The following CCDC198 variants were observed in gnomAD, a reference collection of about 807,000 sequenced individuals.
CCDC198 encodes the protein factor associated with metabolism and energy.
A neutral mutation model predicts 35.6 loss-of-function variants in CCDC198; 18 were observed. That is an observed-to-expected ratio of 0.51 (90% CI 0.35 to 0.75). The LOEUF is 0.75. Among genes scored for constraint, CCDC198 ranks in the 30% least tolerant of loss-of-function variants. The pLI, the probability that CCDC198 is intolerant of heterozygous loss-of-function variation, is 0.01. For synonymous variants in CCDC198, 119 were observed against 113.4 expected, an observed-to-expected ratio of 1.05 and a Z score of -0.31; for missense variants, 365 against 343.7, an observed-to-expected ratio of 1.06 and a Z score of -0.49.
rs1427110680 is a variant in CCDC198 at position 57,482,934 on chromosome 14, C to T, written c.393+131G>A. The T allele has an allele frequency of 2.3e-6, 3 of 1,279,426 alleles. No homozygotes were observed. The Admixed American group carries it at 6.4e-5, about 27-fold the overall frequency. 79.3% of individuals were successfully genotyped at this position (1,279,426 alleles called of 1,614,324 possible). A position where few individuals can be genotyped will look rare whatever the true frequency, so the allele number is the denominator to read the frequency against. On this transcript the variant is annotated intron_variant, in intron 3 of 5. Coordinates refer to ENST00000216445, the MANE Select transcript of CCDC198 (RefSeq NM_018168.4). ...TTTGAAAAGTTCTCACTCTGAATGA[C>T]TTAACAGTTTGATTTGTCTTTGAAC...
At chr14:57,483,238 C>T (rs2139517725) in intron 2 of CCDC198, 87 bp from the exon 3 acceptor site, 1 of 1,595,334 alleles carries the variant, frequency 6.3e-7, no homozygotes, top group Non-Finnish European at 8.6e-7. Context: ...TATCTTAACA[C>T]TTTGCAAAAG....
intron 5 of CCDC198, among the ~76,000 whole-genome samples, chr14:57,473,474 A>G (rs2066882021): frequency 6.6e-6 from 1 of 152,170 alleles, no homozygotes; most frequent in Non-Finnish European, 1.5e-5. Context: ...AAACCCAGGA[A>G]TCTACCTGGC....
At position 57,485,193 on chromosome 14, in the gene CCDC198, G is replaced by T. The variant is rs144681062; in HGVS notation, c.307-2042C>A. On this transcript the variant is annotated intron_variant, in intron 2 of 5. Transcript: ENST00000216445. ...TTATACAGGGAGCTTGGGAGGAGAG[G>T]TCTGTGCTGGAGATTTTGGGGAATA... 1.2e-4 allele frequency among the ~76,000 whole-genome samples: 18 copies of T among 152,250 alleles called. No individual in the cohort carries two copies. The East Asian group carries it at 2.1e-3, about 18-fold the overall frequency.
chr14:57,488,080 T>C (rs1217088485), intron 2 of CCDC198, among the ~76,000 whole-genome samples: 2 of 152,168 alleles, frequency 1.3e-5, no homozygotes, highest in Non-Finnish European at 2.9e-5. Flanking sequence ...GAATCTGGAA[T>C]TGGAGTCAAA....
chr14:57,475,472 A>G, intron 5 of CCDC198: 1 of 1,233,474 alleles, frequency 8.1e-7, no homozygotes, highest in Non-Finnish European at 1.0e-6. Flanking sequence ...GCGGTGGCTC[A>G]TGCCTGTAAT....
intron 5 of CCDC198, among the ~76,000 whole-genome samples, chr14:57,477,475 T>A (rs193153757): frequency 6.3e-5 from 9 of 142,652 alleles, no homozygotes; most frequent in Admixed American, 6.2e-4. Flanking sequence ...GCTCATTTTG[T>A]CACGTGTATC....
intron 3 of CCDC198, 110 bp from the exon 4 acceptor site, chr14:57,481,770 G>T: frequency 1.5e-6 from 1 of 668,132 alleles, no homozygotes; most frequent in Non-Finnish European, 2.5e-6. Context: ...GTCATAACCT[G>T]TAGAGATATC....
rs1269078944 is a variant in CCDC198 at position 57,473,095 on chromosome 14, G to A, written c.656-1505C>T. On this transcript the variant is annotated intron_variant, in intron 5 of 5. Coordinates refer to ENST00000216445, the MANE Select transcript of CCDC198 (RefSeq NM_018168.4). ...ATTGAACTAAGATTGACATACAAAA[G>A]CTACACATATTGAATGTATACAGCC... 2.0e-5 allele frequency among the ~76,000 whole-genome samples: 3 copies of A among 152,162 alleles called. No homozygotes were observed. The East Asian group carries it at 5.8e-4, about 29-fold the overall frequency.
intron 5 of CCDC198, among the ~76,000 whole-genome samples, chr14:57,476,990 C>T (rs1376565613): frequency 2.0e-5 from 3 of 152,196 alleles, no homozygotes; most frequent in African/African-American, 4.8e-5. Flanking sequence ...TCAGGTGCCC[C>T]GTGAGTGCAC....
intron 3 of CCDC198, among the ~76,000 whole-genome samples, chr14:57,482,171 A>G (rs937056492): frequency 3.9e-5 from 6 of 152,160 alleles, no homozygotes; most frequent in Non-Finnish European, 7.3e-5. Flanking sequence ...GAGGATTTGA[A>G]GTTGATTATT....
Position 57,480,736 on chromosome 14 carries a change from TC to T in CCDC198, c.513del (p.Ser173ValfsTer34), listed in dbSNP as rs745779171. 1.5e-5 allele frequency: 25 copies of T among 1,613,946 alleles called. No homozygotes were observed. In the Middle Eastern group the frequency reaches 6.6e-4, roughly 42 times the overall value. On this transcript the variant is annotated frameshift_variant, in exon 5 of 6. Coordinates refer to ENST00000216445, the MANE Select transcript of CCDC198 (RefSeq NM_018168.4). LOFTEE classifies it high-confidence loss of function. Reference protein sequence around the residue: ...RKRQEAQMELKKSLHGEARIN... With the variant: ...RKRQEAQMELXKSLHGEARIN... ...ATTCTTGCCTCTCCATGAAGACTTT[TC>T]TTTAACTCCATTTGGGCCTGAAAAT...
intron 5 of CCDC198, chr14:57,475,840 C>T (rs547019782): frequency 2.4e-5 from 6 of 248,270 alleles, no homozygotes; most frequent in South Asian, 5.8e-5. Flanking sequence ...CTCTCTCTGT[C>T]GACCAGGTTG....
intron 2 of CCDC198, among the ~76,000 whole-genome samples, chr14:57,488,780 A>G (rs1303064749): frequency 6.6e-6 from 1 of 152,154 alleles, no homozygotes; most frequent in Non-Finnish European, 1.5e-5. Flanking sequence ...AAAAAGCTCA[A>G]CATCACTGAT....
Position 57,478,851 on chromosome 14 carries a change from G to A in CCDC198, c.655+1744C>T, listed in dbSNP as rs1209066875. ...CGTCTTGTTTCTCCAAGTAGGAGCA[G>A]TGTCTCTTTCAGCAGGCAATTTTGC... On this transcript the variant is annotated intron_variant, in intron 5 of 5. Transcript: ENST00000216445. 7.0e-6 allele frequency: 8 copies of A among 1,145,728 alleles called. No homozygotes were observed. The African/African-American group carries it at 1.3e-4, about 18-fold the overall frequency. 71.0% of individuals were successfully genotyped at this position (1,145,728 alleles called of 1,614,324 possible). A position where few individuals can be genotyped will look rare whatever the true frequency, so the allele number is the denominator to read the frequency against.
intron 4 of CCDC198, among the ~76,000 whole-genome samples, 170 bp downstream of exon 4, chr14:57,481,389 A>G (rs553390724): frequency 6.6e-6 from 1 of 152,360 alleles, no homozygotes; most frequent in African/African-American, 2.4e-5. Flanking sequence ...GGTTATCAGC[A>G]GAAGGAATCT....
In CCDC198 at chr14:57,493,589, T is replaced by C. The variant is rs146627831; in HGVS notation, c.127A>G (p.Thr43Ala). Residue 43 changes from threonine to alanine, a missense_variant, in exon 1 of 6, where the codon ACT becomes GCT. By Grantham distance (58) the Thr-to-Ala change is moderately conservative. Transcript: ENST00000216445. Reference sequence around the variant, plus strand: ...TGCAGTCTTGCCAGTGAATATGAAGTCTTTTCTTCCAAATTCTGATTGAAT... The same window carrying C: ...TGCAGTCTTGCCAGTGAATATGAAGCCTTTTCTTCCAAATTCTGATTGAAT... Reference protein sequence around the residue: ...FAFNQNLEEKTSYSLARLQDQ... With the variant: ...FAFNQNLEEKASYSLARLQDQ... 8.5e-4 allele frequency: 1,374 copies of C among 1,613,974 alleles called. 8 individuals are homozygous for C. Among genetic ancestry groups the C allele is most frequent in the Non-Finnish European group, 9.8e-5 (116 of 1,179,924 alleles).
chr14:57,471,176 A>G lies in CCDC198; in HGVS notation c.*179T>C, dbSNP rs2066807545. On this transcript the variant is annotated 3_prime_UTR_variant, in exon 6 of 6. Transcript: ENST00000216445. ...CCCCTGTGTTTTGAGGCATTTAGTTATGCAGCAATAGTTAACAGCACATGT... is the reference window on the plus strand; with the variant it reads ...CCCCTGTGTTTTGAGGCATTTAGTTGTGCAGCAATAGTTAACAGCACATGT... 3.7e-6 allele frequency: 2 copies of G among 536,588 alleles called. No individual in the cohort carries two copies. Among genetic ancestry groups the G allele is most frequent in the Non-Finnish European group, 3.3e-6 (1 of 307,062 alleles). 33.2% of individuals were successfully genotyped at this position (536,588 alleles called of 1,614,324 possible). A position where few individuals can be genotyped will look rare whatever the true frequency, so the allele number is the denominator to read the frequency against.
At chr14:57,480,251 C>T (rs2067137668) in intron 5 of CCDC198, 3 of 985,218 alleles carry the variant, frequency 3.0e-6, no homozygotes, top group Non-Finnish European at 2.4e-6. Flanking sequence ...CATGTGACTG[C>T]CGGCAATATA....
chr14:57,493,022 G>A (rs901800354), intron 1 of CCDC198, among the ~76,000 whole-genome samples: 3 of 152,060 alleles, frequency 2.0e-5, no homozygotes, highest in African/African-American at 7.2e-5. Flanking sequence ...ATACTGTTTA[G>A]GGTGGTTTCA....
Sources: allele counts gnomAD v4.1 joint callset (sites outside exome capture counted in the v4.1 genomes callset), GRCh38; gene constraint gnomAD v4.1.1; transcripts MANE v1.5; gene names NCBI Gene and HGNC (gene_info 2026-07-23, HGNC 2026-07-21).